DOP1A: variants seen among roughly 807,000 people sequenced by gnomAD.
The protein encoded by DOP1A is protein DOP1A.
In DOP1A, 90 loss-of-function variants were observed where a neutral mutation model predicts 267.6. That is an observed-to-expected ratio of 0.34 (90% CI 0.28 to 0.40). The LOEUF (loss-of-function observed/expected upper bound fraction) is 0.40. Ranked by LOEUF, DOP1A falls within the 10% of genes least tolerant of loss-of-function variation. The pLI, the probability that DOP1A is intolerant of heterozygous loss-of-function variation, is 1.00. For synonymous variants in DOP1A, 932 were observed against 999.1 expected (o/e 0.93, Z 1.27); for missense variants, 2,437 against 2,900.4 (o/e 0.84, Z 3.67).
At position 83,167,922 on chromosome 6, in the gene DOP1A, C is replaced by T. The variant is rs752996394; in HGVS notation, c.7153C>T (p.Leu2385Phe). The T allele has an allele frequency of 2.5e-6, 4 of 1,613,924 alleles. No individual in the cohort carries two copies. Among genetic ancestry groups the T allele is most frequent in the Non-Finnish European group, 3.4e-6 (4 of 1,179,920 alleles). The change falls in exon 39 of 39, where the codon CTC becomes TTC. Residue 2385 changes from leucine (L) to phenylalanine (F), a missense_variant. Transcript: ENST00000349129. The part of the protein sequence containing the change: ...TLGWEPGHLL[L>F]TICTVRSMEQ... Reference sequence around the variant, plus strand: ...GGGTTGGGAGCCAGGGCACTTGCTGCTCACCATCTGCACCGTGCGCAGTAT... The same window carrying T: ...GGGTTGGGAGCCAGGGCACTTGCTGTTCACCATCTGCACCGTGCGCAGTAT...
chr6:83,083,986 G>A (rs1316591005), intron 1 of DOP1A, among the ~76,000 whole-genome samples: 1 of 152,112 alleles, frequency 6.6e-6, no homozygotes, highest in Non-Finnish European at 1.5e-5. Context: ...ATATAATTTT[G>A]TGTATATTTA....
At chr6:83,093,430 A>G (rs1185031925) in intron 1 of DOP1A, among the ~76,000 whole-genome samples, 1 of 152,224 alleles carries the variant, frequency 6.6e-6, no homozygotes. Flanking sequence ...AGCTTTTTTC[A>G]GTACAAACAG....
At position 83,145,566 on chromosome 6, in the gene DOP1A, T is replaced by C. The variant is rs1206550268; in HGVS notation, c.5584T>C (p.Leu1862=). ...TGAAGAACAGCTTTTATTAGTGGAA[T>C]TGGTTCGTTCAATCAGTGTCATGAG... ...ASEEQLLLVE[L]VRSISVMRAE... The change falls in exon 25 of 39, where the codon TTG becomes CTG. Residue 1862 remains leucine, a synonymous_variant. Coordinates refer to ENST00000349129, the MANE Select transcript of DOP1A (RefSeq NM_015018.4). The C allele has an allele frequency of 3.1e-6, 5 of 1,610,592 alleles. No individual in the cohort carries two copies. The highest frequency in any genetic ancestry group is 1.7e-5 in the Admixed American group (1 of 59,896).
intron 1 of DOP1A, among the ~76,000 whole-genome samples, chr6:83,072,324 AT>A (rs1785761711): frequency 6.6e-6 from 1 of 152,134 alleles, no homozygotes; most frequent in Non-Finnish European, 1.5e-5. Flanking sequence ...AAAAAAAAAA[AT>A]TAACCTGAGT....
intron 27 of DOP1A, among the ~76,000 whole-genome samples, chr6:83,149,917 G>A (rs1161408101): frequency 2.0e-5 from 3 of 152,190 alleles, no homozygotes; most frequent in African/African-American, 4.8e-5. Flanking sequence ...AATAATAAAA[G>A]GCTATGTTTG....
intron 35 of DOP1A, 145 bp downstream of exon 35, chr6:83,157,463 T>C (rs1783043589): frequency 1.2e-6 from 1 of 862,106 alleles, no homozygotes. Flanking sequence ...CAGTTGAAAA[T>C]AGTAAAACAA....
chr6:83,083,054 C>T (rs1768420308), intron 1 of DOP1A, among the ~76,000 whole-genome samples: 1 of 152,036 alleles, frequency 6.6e-6, no homozygotes, highest in African/African-American at 2.4e-5. Flanking sequence ...GTGATCCACC[C>T]GCCTCAGCCT....
rs1032720488 is a variant in DOP1A at position 83,166,624 on chromosome 6, T to C, written c.7093-1238T>C. The C allele has an allele frequency of 6.0e-6, 5 of 828,262 alleles. No individual in the cohort carries two copies. In the African/African-American group the frequency reaches 8.7e-5, roughly 14 times the overall value. The allele number at this position is 828,262 out of a possible 1,614,324, so 51.3% of individuals were successfully genotyped here. ...TAACCACATTTATTTAAGAATGTAC[T>C]CCAATATAAAACGGCAAATTTCAAC... On this transcript the variant is annotated intron_variant, in intron 38 of 38. Transcript: ENST00000349129.
At position 83,100,793 on chromosome 6, in the gene DOP1A, C is replaced by A; in HGVS notation, c.227C>A (p.Pro76Gln). Residue 76 changes from proline (P) to glutamine (Q), a missense_variant, in exon 4 of 39, where the codon CCA becomes CAA. Pro to Gln is a moderately conservative substitution (Grantham distance 76). This residue lies in a region of DOP1A where 251 missense variants were observed against 359.1 expected (regional missense o/e 0.70). Transcript: ENST00000349129. ...GCTCAATGTCTACATCCAGCATTACCAGGTGGAGTTCATCGGAAGGCGCTT... is the reference window on the plus strand; with the variant it reads ...GCTCAATGTCTACATCCAGCATTACAAGGTGGAGTTCATCGGAAGGCGCTT... The part of the protein sequence containing the change: ...RLAQCLHPAL[P>Q]GGVHRKALET... 6.3e-7 allele frequency: 1 copy of A among 1,594,822 alleles called. No homozygotes were observed. The highest frequency in any genetic ancestry group is 1.7e-5 in the Admixed American group (1 of 58,864).
rs1776874057 is a variant in DOP1A, at chr6:83,124,679, TAATA to T, written c.1341-23_1341-20del. 3.9e-6 allele frequency: 6 copies of T among 1,543,138 alleles called. No individual in the cohort carries two copies. The East Asian group carries it at 1.3e-4, about 35-fold the overall frequency. On this transcript the variant is annotated intron_variant, in intron 12 of 38. Coordinates refer to ENST00000349129, the MANE Select transcript of DOP1A (RefSeq NM_015018.4). ...TATTCACATCACTTGACAGTATACT[TAATA>T]AAGTGAATTTTGTCCTTTTAGGAGG...
intron 27 of DOP1A, among the ~76,000 whole-genome samples, chr6:83,150,347 A>G (rs947575224): frequency 4.6e-5 from 7 of 152,186 alleles, no homozygotes; most frequent in Admixed American, 2.0e-4. Context: ...GGCTAATTTC[A>G]TCAAAAAATT....
At position 83,154,021 on chromosome 6, in the gene DOP1A, A is replaced by G; in HGVS notation, c.6367A>G (p.Met2123Val). The G allele has an allele frequency of 6.2e-7, 1 of 1,614,048 alleles. No individual in the cohort carries two copies. Among genetic ancestry groups the G allele is most frequent in the South Asian group, 1.1e-5 (1 of 91,064 alleles). ...DLFMDPSFFQ[M>V]DASCVNHWRA... ...CTTTATGGATCCCAGTTTCTTTCAG[A>G]TGGATGCCTCTTGTGTTAATCAGTA... Residue 2123 changes from methionine to valine, a missense_variant, in exon 32 of 39, where the codon ATG (methionine) becomes GTG (valine). Coordinates refer to ENST00000349129, the MANE Select transcript of DOP1A (RefSeq NM_015018.4).
chr6:83,117,204 G>A (rs1775598459), intron 7 of DOP1A, among the ~76,000 whole-genome samples: 1 of 150,808 alleles, frequency 6.6e-6, no homozygotes, highest in Non-Finnish European at 1.5e-5. Context: ...AGGCTGGAGT[G>A]CAGTGGTGCT....
In DOP1A at chr6:83,156,062, G is replaced by C; in HGVS notation, c.6563G>C (p.Ser2188Thr). 6.2e-7 allele frequency: 1 copy of C among 1,613,874 alleles called. No homozygotes were observed. The highest frequency in any genetic ancestry group is 1.1e-5 in the South Asian group (1 of 91,068). Residue 2188 changes from serine (S) to threonine (T), a missense_variant, in exon 34 of 39, where the codon AGT becomes ACT. Ser to Thr is a moderately conservative substitution (Grantham distance 58, BLOSUM62 1). This residue lies in a region of DOP1A where 75 missense variants were observed against 149.6 expected (regional missense o/e 0.50). Coordinates refer to ENST00000349129, the MANE Select transcript of DOP1A (RefSeq NM_015018.4). The stretch of plus-strand genomic sequence containing the variant: ...AGATTAGCATTTGCTATTTTTAGCA[G>C]TGAAATTGACCAGTACCAGAAATAT... ...LKRLAFAIFS[S>T]EIDQYQKYLP...
At chr6:83,132,456 T>C (rs1185447427) in intron 18 of DOP1A, 128 bp downstream of exon 18, 1 of 1,027,764 alleles carries the variant, frequency 9.7e-7, no homozygotes. Flanking sequence ...AATAGCTTTG[T>C]TCACAGTGAT....
intron 8 of DOP1A, among the ~76,000 whole-genome samples, chr6:83,119,283 G>A (rs1775963444): frequency 6.6e-6 from 1 of 152,082 alleles, no homozygotes. Context: ...AGAAGGATGA[G>A]CTAATAATCA....
In DOP1A at chr6:83,068,423, G is replaced by T. The variant is rs559089125; in HGVS notation, c.-147+644G>T. ...GGCCTCCTCCATTCCTGTACCCTGAGGGGGGCGGGGAATGGCACACAACTA... is the reference window on the plus strand; with the variant it reads ...GGCCTCCTCCATTCCTGTACCCTGATGGGGGCGGGGAATGGCACACAACTA... On this transcript the variant is annotated intron_variant, in intron 1 of 38. Coordinates refer to ENST00000349129, the MANE Select transcript of DOP1A (RefSeq NM_015018.4). 1.0e-3 allele frequency among the ~76,000 whole-genome samples: 152 copies of T among 152,288 alleles called. No individual in the cohort carries two copies. The Middle Eastern group carries it at 0.014, about 14-fold the overall frequency.
intron 38 of DOP1A, among the ~76,000 whole-genome samples, chr6:83,163,158 G>A (rs1246323878): frequency 2.6e-5 from 4 of 151,992 alleles, no homozygotes; most frequent in Non-Finnish European, 5.9e-5. Flanking sequence ...AAAAAGGAAG[G>A]CTTTTGTACA....
At chr6:83,163,515 A>G (rs2128434971) in intron 38 of DOP1A, among the ~76,000 whole-genome samples, 1 of 152,332 alleles carries the variant, frequency 6.6e-6, no homozygotes, top group African/African-American at 2.4e-5. Flanking sequence ...ATTAGCATTC[A>G]TTCTGTTTAT....
Sources: allele counts gnomAD v4.1 joint callset (sites outside exome capture counted in the v4.1 genomes callset), GRCh38; gene constraint gnomAD v4.1.1; regional missense constraint gnomAD v4.1.1; transcripts MANE v1.5; gene names NCBI Gene and HGNC (gene_info 2026-07-23, HGNC 2026-07-21).